Variants in CNTN4 observed in about 807,000 individuals in gnomAD.
CNTN4 encodes the protein contactin-4.
In CNTN4, 77 loss-of-function variants were observed where a neutral mutation model predicts 122.5. The ratio of observed to expected loss-of-function variants is 0.63; its 90% CI spans 0.52 to 0.76. The LOEUF (loss-of-function observed/expected upper bound fraction) is 0.76, where lower values mean the gene tolerates loss of function less well. Among genes scored for constraint, CNTN4 ranks in the 30% least tolerant of loss-of-function variants. The probability of loss-of-function intolerance (pLI) is 0.00; values close to 1 mark genes in which losing one functional copy is unlikely to be tolerated. For missense variants in CNTN4, 1,256 were observed against 1,259.1 expected (o/e 1.00, Z 0.04); for synonymous variants, 512 against 447.0 (o/e 1.15, Z -1.83).
intron 7 of CNTN4, among the ~76,000 whole-genome samples, chr3:2,820,260 G>A (rs1446677457): frequency 6.6e-6 from 1 of 152,116 alleles, no homozygotes; most frequent in Non-Finnish European, 1.5e-5. Flanking sequence ...TGCTAGAATG[G>A]TTCCCAGAAC....
rs554366617 is a variant in CNTN4 at position 2,332,736 on chromosome 3, G to C, written c.-144-6442G>C. On this transcript the variant is annotated intron_variant, in intron 2 of 24. Transcript: ENST00000418658. ...GGGACTGTTGTGGGGTGGGGGGAGT[G>C]GGGAGGGGGGAGGGATAGCTTTAGG... Among the ~76,000 whole-genome samples, 172 of 135,976 alleles carry C rather than the reference G, an allele frequency of 1.3e-3. 1 individual carries two copies. Among genetic ancestry groups the C allele is most frequent in the African/African-American group, 4.5e-3 (166 of 36,512 alleles). 89.2% of individuals were successfully genotyped at this position (135,976 alleles called of 152,430 possible).
At chr3:2,993,773 G>A (rs923782526) in intron 14 of CNTN4, among the ~76,000 whole-genome samples, 2 of 152,166 alleles carry the variant, frequency 1.3e-5, no homozygotes, top group Admixed American at 1.3e-4. Context: ...GTCTGGCCAA[G>A]CTATACACAA....
intron 3 of CNTN4, among the ~76,000 whole-genome samples, chr3:2,474,014 C>CAA (rs34237926): frequency 2.4e-4 from 34 of 142,422 alleles, no homozygotes; most frequent in Admixed American, 4.2e-4. Flanking sequence ...AACTCGGTCT[C>CAA]AAAAAAAAAA....
intron 2 of CNTN4, among the ~76,000 whole-genome samples, chr3:2,175,904 A>T (rs1280414352): frequency 1.3e-5 from 2 of 152,210 alleles, no homozygotes; most frequent in Non-Finnish European, 2.9e-5. Flanking sequence ...ATAAAATAGT[A>T]GAGTTAGGAG....
chr3:2,960,024 A>G (rs34427053), intron 13 of CNTN4, among the ~76,000 whole-genome samples: 28,743 of 152,006 alleles, frequency 0.19, 3,053 homozygotes, highest in East Asian at 0.41. Flanking sequence ...CTGTCTCATG[A>G]TATCTTTAGA....
intron 2 of CNTN4, among the ~76,000 whole-genome samples, chr3:2,140,031 C>T (rs1310581119): frequency 6.6e-6 from 1 of 152,196 alleles, no homozygotes; most frequent in African/African-American, 2.4e-5. Context: ...ATGCGTCTCA[C>T]AGGATCTGAT....
chr3:2,416,759 T>C (rs186111519), intron 3 of CNTN4, among the ~76,000 whole-genome samples: 3 of 152,218 alleles, frequency 2.0e-5, no homozygotes, highest in African/African-American at 7.2e-5. Flanking sequence ...GTTCCCGCCA[T>C]TCTCCTGCCT....
At chr3:2,848,900 C>T (rs942579314) in intron 7 of CNTN4, among the ~76,000 whole-genome samples, 40 of 152,096 alleles carry the variant, frequency 2.6e-4, no homozygotes, top group Non-Finnish European at 4.4e-5. Flanking sequence ...GGAGCCAGAA[C>T]GGAGATTAGC....
chr3:2,705,828 A>ATATATAT (rs2086677399), intron 4 of CNTN4, among the ~76,000 whole-genome samples: 2 of 106,148 alleles, frequency 1.9e-5, no homozygotes, highest in South Asian at 5.3e-4. Context: ...TATATAATAA[A>ATATATAT]TATATATAAT....
intron 2 of CNTN4, among the ~76,000 whole-genome samples, chr3:2,279,972 G>C (rs13059036): frequency 6.7e-6 from 1 of 149,420 alleles, no homozygotes; most frequent in Non-Finnish European, 1.5e-5. Context: ...CTTATATATA[G>C]AGAGAGAGAT....
intron 2 of CNTN4, among the ~76,000 whole-genome samples, chr3:2,136,025 C>T (rs895812790): frequency 3.9e-5 from 6 of 152,186 alleles, no homozygotes; most frequent in African/African-American, 1.4e-4. Flanking sequence ...GGCATAGCCT[C>T]TCAGAGGCAT....
intron 2 of CNTN4, among the ~76,000 whole-genome samples, chr3:2,325,186 G>C (rs1335107868): frequency 1.3e-5 from 2 of 152,134 alleles, no homozygotes; most frequent in Non-Finnish European, 2.9e-5. Flanking sequence ...TGTCACATAA[G>C]AGCGAATGCA....
chr3:2,432,328 A>G (rs1542901), intron 3 of CNTN4, among the ~76,000 whole-genome samples: 36,268 of 152,202 alleles, frequency 0.24, 5,570 homozygotes, highest in Non-Finnish European at 0.36. Context: ...GAAAGCAAAC[A>G]TGGTCCTTAC....
rs182953493 is a variant in CNTN4 at position 2,763,167 on chromosome 3, G to A, written c.358+17470G>A. On this transcript the variant is annotated intron_variant, in intron 6 of 24. Transcript: ENST00000418658. ...TCACCATGTTAGCCAGGATGGTTTCGATCTCCTGACCTCGTGATCCGCCCA... is the reference window on the plus strand; with the variant it reads ...TCACCATGTTAGCCAGGATGGTTTCAATCTCCTGACCTCGTGATCCGCCCA... Among the ~76,000 whole-genome samples the A allele has an allele frequency of 9.2e-5, 14 of 152,068 alleles. No homozygotes were observed. The East Asian group carries it at 2.7e-3, about 30-fold the overall frequency.
chr3:2,948,204 G>C (rs2094699290), intron 13 of CNTN4, among the ~76,000 whole-genome samples: 1 of 152,184 alleles, frequency 6.6e-6, no homozygotes, highest in South Asian at 2.1e-4. Flanking sequence ...AGGAAGGTTT[G>C]TTCTCTTTGT....
At chr3:2,161,077 C>G (rs2035947970) in intron 2 of CNTN4, among the ~76,000 whole-genome samples, 1 of 152,056 alleles carries the variant, frequency 6.6e-6, no homozygotes, top group South Asian at 2.1e-4. Context: ...GCTTCTCGGA[C>G]AAGTAGGTCT....
intron 2 of CNTN4, among the ~76,000 whole-genome samples, chr3:2,233,597 C>T (rs1182974094): frequency 2.6e-5 from 4 of 152,108 alleles, no homozygotes; most frequent in African/African-American, 9.7e-5. Context: ...GAAATCAAAT[C>T]TGTTGAGAAT....
rs1415856619 is a variant in CNTN4 at position 3,042,400 on chromosome 3, G to A, written c.2489G>A (p.Arg830Lys). 1.9e-6 allele frequency: 3 copies of A among 1,612,646 alleles called. No individual in the cohort carries two copies. Among genetic ancestry groups the A allele is most frequent in the South Asian group, 2.2e-5 (2 of 91,058 alleles). ...TGGGCCTCCCCACTGGAGAAGAATA[G>A]AGGACGAATACAAGGTTATGAGGTA... is the stretch of plus-strand genomic sequence containing the variant. Reference protein sequence around the residue: ...VFWASPLEKNRGRIQGYEVKY... With the variant: ...VFWASPLEKNKGRIQGYEVKY... The change falls in exon 21 of 25, where the codon AGA becomes AAA. Residue 830 changes from arginine to lysine, a missense_variant. Physicochemically the swap from Arg to Lys is conservative, Grantham distance 26. Transcript: ENST00000418658.
intron 2 of CNTN4, among the ~76,000 whole-genome samples, chr3:2,244,168 A>C (rs1048116439): frequency 6.6e-6 from 1 of 152,040 alleles, no homozygotes; most frequent in Admixed American, 6.6e-5. Context: ...GTAAGAAATT[A>C]ATAACTATTG....
Sources: allele counts gnomAD v4.1 joint callset (sites outside exome capture counted in the v4.1 genomes callset), GRCh38; gene constraint gnomAD v4.1.1; transcripts MANE v1.5; gene names NCBI Gene and HGNC (gene_info 2026-07-23, HGNC 2026-07-21).